Variants in NRXN3 observed in about 807,000 individuals in gnomAD.
NRXN3 encodes neurexin III.
NRXN3 carries 32 observed loss-of-function variants against 137.6 expected under a neutral mutation model. The ratio of observed to expected loss-of-function variants is 0.23; its 90% CI spans 0.18 to 0.31. The LOEUF is 0.31. NRXN3 is among the 10% of genes least tolerant of loss of function. NRXN3 has a pLI of 1.00. For missense variants in NRXN3, 1,574 were observed against 2,062.5 expected (o/e 0.76, Z 4.59); for synonymous variants, 798 against 784.5 (o/e 1.02, Z -0.29).
chr14:79,426,448 A>G (rs1445530770), intron 15 of NRXN3, among the ~76,000 whole-genome samples: 2 of 152,194 alleles, frequency 1.3e-5, no homozygotes, highest in African/African-American at 2.4e-5. Context: ...TAAGGGCCCA[A>G]TCATCAGGTC....
At chr14:79,701,226 A>C (rs1053110662) in intron 19 of NRXN3, among the ~76,000 whole-genome samples, 3 of 152,076 alleles carry the variant, frequency 2.0e-5, no homozygotes, top group Admixed American at 1.3e-4. Flanking sequence ...TCCTCATATT[A>C]GCTTACATGA....
chr14:78,273,449 C>G (rs999060783), intron 2 of NRXN3, among the ~76,000 whole-genome samples: 2 of 152,172 alleles, frequency 1.3e-5, no homozygotes, highest in African/African-American at 4.8e-5. Flanking sequence ...TAAAAATCAA[C>G]CCCAAACCTT....
intron 4 of NRXN3, among the ~76,000 whole-genome samples, chr14:78,514,409 T>C (rs1393583152): frequency 6.6e-6 from 1 of 152,084 alleles, no homozygotes; most frequent in Non-Finnish European, 1.5e-5. Context: ...GGCATAAATA[T>C]GCAAGGAGTC....
At chr14:79,552,705 G>T (rs56015983) in intron 16 of NRXN3, among the ~76,000 whole-genome samples, 1 of 152,112 alleles carries the variant, frequency 6.6e-6, no homozygotes, top group Non-Finnish European at 1.5e-5. Flanking sequence ...ACAGATGATA[G>T]CCTGGGACAA....
At chr14:79,563,712 CTCT>C (rs996784601) in intron 16 of NRXN3, among the ~76,000 whole-genome samples, 3 of 149,482 alleles carry the variant, frequency 2.0e-5, no homozygotes, top group African/African-American at 7.4e-5. Context: ...TTTCCTGTTT[CTCT>C]TCTTCTAACC....
intron 15 of NRXN3, among the ~76,000 whole-genome samples, chr14:79,364,654 CAATT>C (rs1414593014): frequency 5.9e-5 from 7 of 119,112 alleles, no homozygotes; most frequent in African/African-American, 2.4e-4. Context: ...TTCAATGAAT[CAATT>C]AGGTAAAAAT....
chr14:78,523,287 G>T (rs1285652198), intron 4 of NRXN3, among the ~76,000 whole-genome samples: 1 of 152,160 alleles, frequency 6.6e-6, no homozygotes, highest in Non-Finnish European at 1.5e-5. Flanking sequence ...TCCCTTCCCT[G>T]TCAAGTCCTG....
intron 10 of NRXN3, among the ~76,000 whole-genome samples, chr14:78,837,999 T>C (rs2099001776): frequency 6.6e-6 from 1 of 152,210 alleles, no homozygotes; most frequent in Non-Finnish European, 1.5e-5. Flanking sequence ...TTATTTTACC[T>C]ATAAATGAGA....
At chr14:78,805,899 A>C (rs967234006) in intron 9 of NRXN3, among the ~76,000 whole-genome samples, 1 of 152,148 alleles carries the variant, frequency 6.6e-6, no homozygotes, top group African/African-American at 2.4e-5. Flanking sequence ...TAAGGAAATA[A>C]GTGTACAGAT....
intron 4 of NRXN3, among the ~76,000 whole-genome samples, chr14:78,599,535 C>T: frequency 6.6e-6 from 1 of 152,202 alleles, no homozygotes; most frequent in East Asian, 1.9e-4. Context: ...AACTTACATG[C>T]TTTGTCTGTA....
At chr14:78,752,482 A>T (rs2098647865) in intron 8 of NRXN3, among the ~76,000 whole-genome samples, 1 of 152,218 alleles carries the variant, frequency 6.6e-6, no homozygotes, top group African/African-American at 2.4e-5. Flanking sequence ...GAACCTATGT[A>T]TGCCAAGCAT....
At chr14:79,510,027 A>T (rs935028347) in intron 16 of NRXN3, among the ~76,000 whole-genome samples, 1 of 152,202 alleles carries the variant, frequency 6.6e-6, no homozygotes, top group Non-Finnish European at 1.5e-5. Context: ...GGGAATACCT[A>T]TGTACATCAC....
At chr14:79,019,706 G>A (rs2099585505) in intron 15 of NRXN3, among the ~76,000 whole-genome samples, 2 of 152,148 alleles carry the variant, frequency 1.3e-5, no homozygotes, top group Admixed American at 1.3e-4. Flanking sequence ...AAGGAGGAAA[G>A]TAATCCTCAG....
intron 16 of NRXN3, among the ~76,000 whole-genome samples, chr14:79,615,230 GAAAT>G (rs2098141862): frequency 6.6e-6 from 1 of 152,166 alleles, no homozygotes; most frequent in South Asian, 2.1e-4. Flanking sequence ...AAAAATTAAA[GAAAT>G]AAATGTAATG....
At chr14:78,607,912 A>T (rs1389074244) in intron 4 of NRXN3, among the ~76,000 whole-genome samples, 1 of 152,130 alleles carries the variant, frequency 6.6e-6, no homozygotes, top group Non-Finnish European at 1.5e-5. Flanking sequence ...GAACATTTCT[A>T]AGTGCTCTTT....
At chr14:78,549,779 G>A (rs1406364822) in intron 4 of NRXN3, among the ~76,000 whole-genome samples, 2 of 152,130 alleles carry the variant, frequency 1.3e-5, no homozygotes, top group Non-Finnish European at 2.9e-5. Flanking sequence ...TGAATGCTGA[G>A]TGAACTTTTA....
intron 4 of NRXN3, among the ~76,000 whole-genome samples, chr14:78,448,160 T>C (rs1015272532): frequency 6.6e-6 from 1 of 152,260 alleles, no homozygotes; most frequent in African/African-American, 2.4e-5. Flanking sequence ...TCATCTTTAC[T>C]GTTCAACTTA....
At chr14:79,154,832 C>G (rs1434922941) in intron 15 of NRXN3, among the ~76,000 whole-genome samples, 1 of 151,930 alleles carries the variant, frequency 6.6e-6, no homozygotes, top group African/African-American at 2.4e-5. Context: ...TAATCCAATG[C>G]AACTTCGTAT....
chr14:78,271,800 G>A (rs2153488628), intron 2 of NRXN3, among the ~76,000 whole-genome samples: 1 of 152,292 alleles, frequency 6.6e-6, no homozygotes, highest in East Asian at 1.9e-4. Context: ...CTGGGGCTCA[G>A]TCCTCTATGA....
Sources: gnomAD v4.1 joint callset for allele counts (sites outside exome capture counted in the v4.1 genomes callset) on GRCh38, gnomAD v4.1.1 for gene constraint, MANE v1.5 for transcripts, NCBI Gene and HGNC (gene_info 2026-07-23, HGNC 2026-07-21) for gene names.